The following COL5A2 variants were observed in gnomAD, a reference collection of about 807,000 sequenced individuals.
COL5A2 encodes the protein collagen type V alpha 2 chain, also known as collagen alpha-2(V) chain.
A neutral mutation model predicts 208.2 loss-of-function variants in COL5A2; 23 were observed. The observed-to-expected ratio is 0.11, with a 90% CI of 0.08 to 0.16. COL5A2 has a LOEUF of 0.16. COL5A2 is among the 10% of genes least tolerant of loss of function. The pLI, the probability that COL5A2 is intolerant of heterozygous loss-of-function variation, is 1.00. For synonymous variants in COL5A2, 625 were observed against 628.5 expected (o/e 0.99, Z 0.08); for missense variants, 1,590 against 1,956.4 (o/e 0.81, Z 3.53).
chr2:189,412,719 A>G, the COL5A2 span, among the ~76,000 whole-genome samples: 2 of 152,232 alleles, frequency 1.3e-5, no homozygotes, highest in Non-Finnish European at 2.9e-5. Context: ...TTGCCAATCA[A>G]TTGATAGTAA....
chr2:189,043,052 A>G (rs1255518081), intron 48 of COL5A2, 99 bp downstream of exon 48: 1 of 910,016 alleles, frequency 1.1e-6, no homozygotes, highest in African/African-American at 1.6e-5. Flanking sequence ...AATAAGATAC[A>G]AACATATCCA....
chr2:189,083,606 G>T (rs1180439481), intron 12 of COL5A2, among the ~76,000 whole-genome samples: 1 of 151,654 alleles, frequency 6.6e-6, no homozygotes, highest in East Asian at 1.9e-4. Flanking sequence ...ATATTAAAAA[G>T]ATTTTAAAGA....
At chr2:189,173,032 A>G (rs1688603994) in intron 1 of COL5A2, among the ~76,000 whole-genome samples, 1 of 133,404 alleles carries the variant, frequency 7.5e-6, no homozygotes, top group South Asian at 2.3e-4. Context: ...GTGCAGTGGC[A>G]TGATCTCTGC....
the COL5A2 span, among the ~76,000 whole-genome samples, chr2:189,430,753 G>T: frequency 6.6e-6 from 1 of 152,232 alleles, no homozygotes; most frequent in African/African-American, 2.4e-5. Context: ...ACTTCTGTGG[G>T]CAGGGCATAG....
chr2:189,206,014 TA>T (rs1177021490), intron 1 of COL5A2, among the ~76,000 whole-genome samples: 1 of 152,170 alleles, frequency 6.6e-6, no homozygotes, highest in Non-Finnish European at 1.5e-5. Flanking sequence ...AAGTCTGCGG[TA>T]AACTTTTCGA....
At chr2:189,369,138 AC>A in the COL5A2 span, among the ~76,000 whole-genome samples, 1 of 152,192 alleles carries the variant, frequency 6.6e-6, no homozygotes. Flanking sequence ...AGCATTTGTA[AC>A]TAACTGGAAG....
At chr2:189,089,775 T>C (rs1686743563) in intron 7 of COL5A2, among the ~76,000 whole-genome samples, 3 of 152,178 alleles carry the variant, frequency 2.0e-5, no homozygotes, top group East Asian at 1.9e-4. Flanking sequence ...TTCAGTGATC[T>C]TGATGTTACT....
At position 189,050,665 on chromosome 2, in the gene COL5A2, G is replaced by A. The variant is rs771950850; in HGVS notation, c.2943C>T (p.Gly981=). The A allele has an allele frequency of 6.4e-7, 1 of 1,551,862 alleles. No homozygotes were observed. Among genetic ancestry groups the A allele is most frequent in the Non-Finnish European group, 8.7e-7 (1 of 1,147,050 alleles). ...PGEDGQPGPD[G]PPGPAGTTGQ... ...CGGTCGTTCCAGCTGGACCAGGGGG[G>A]CCATCTGGACCCTAATGTTGAGGAC... Residue 981 remains glycine (G), a synonymous_variant, in exon 43 of 54, where the codon GGC becomes GGT. Coordinates refer to ENST00000374866, the MANE Select transcript of COL5A2 (RefSeq NM_000393.5).
Position 189,043,162 on chromosome 2 carries a change from G to A in COL5A2, c.3460C>T (p.Pro1154Ser), listed in dbSNP as rs1186336643. The A allele has an allele frequency of 1.2e-6, 2 of 1,612,904 alleles. No homozygotes were observed. Among genetic ancestry groups the A allele is most frequent in the Non-Finnish European group, 1.7e-6 (2 of 1,179,126 alleles). The change falls in exon 48 of 54, where the codon CCT (proline) becomes TCT (serine). Residue 1154 changes from proline (P) to serine (S), a missense_variant. Transcript: ENST00000374866. Reference protein sequence around the residue: ...HRGFTGLQGLPGPPGPNGEQG... With the variant: ...HRGFTGLQGLSGPPGPNGEQG... ...AAGGAATAACTTACAGGAGGGCCAG[G>A]AAGACCCTGAAGACCAGTAAAGCCT...
chr2:189,125,750 A>T (rs1360138323), intron 1 of COL5A2, among the ~76,000 whole-genome samples: 1 of 152,096 alleles, frequency 6.6e-6, no homozygotes, highest in Admixed American at 6.6e-5. Context: ...AGTCAACAGT[A>T]GGCTATTAGT....
chr2:189,098,855 T>C, intron 4 of COL5A2, 96 bp from the exon 5 acceptor site: 1 of 844,078 alleles, frequency 1.2e-6, no homozygotes, highest in Non-Finnish European at 2.0e-6. Flanking sequence ...AAAACCACAG[T>C]AATTTTTTTA....
At chr2:189,408,595 A>G in the COL5A2 span, among the ~76,000 whole-genome samples, 3 of 151,894 alleles carry the variant, frequency 2.0e-5, no homozygotes, top group Admixed American at 1.3e-4. Context: ...AATTTAATAA[A>G]TATTAAAATA....
the COL5A2 span, among the ~76,000 whole-genome samples, chr2:189,381,223 C>A: frequency 6.6e-6 from 1 of 151,970 alleles, no homozygotes; most frequent in Non-Finnish European, 1.5e-5. Flanking sequence ...AAACTTTTTA[C>A]CATTTCTCAT....
chr2:189,205,751 G>GGT (rs1342993099), intron 1 of COL5A2, among the ~76,000 whole-genome samples: 1 of 152,016 alleles, frequency 6.6e-6, no homozygotes, highest in Non-Finnish European at 1.5e-5. Context: ...GATTCCTATA[G>GGT]TAATAAGACC....
the COL5A2 span, among the ~76,000 whole-genome samples, chr2:189,247,612 G>C: frequency 6.2e-5 from 9 of 144,366 alleles, no homozygotes; most frequent in African/African-American, 2.3e-4. Flanking sequence ...ACAGAGTCTT[G>C]CTGTGTTGCC....
chr2:189,236,576 C>T, the COL5A2 span, among the ~76,000 whole-genome samples: 6 of 151,846 alleles, frequency 4.0e-5, no homozygotes, highest in East Asian at 1.2e-3. Context: ...AGTGGCATCA[C>T]ATTTTGGTTT....
chr2:189,136,792 C>T (rs929850772), intron 1 of COL5A2, among the ~76,000 whole-genome samples: 1 of 151,950 alleles, frequency 6.6e-6, no homozygotes, highest in South Asian at 2.1e-4. Flanking sequence ...AATCACACTG[C>T]TTTTTTCCAT....
chr2:189,313,722 G>C, the COL5A2 span, among the ~76,000 whole-genome samples: 13 of 152,042 alleles, frequency 8.6e-5, no homozygotes, highest in Middle Eastern at 3.2e-3. Context: ...GACCCACATG[G>C]GCTCAAAATA....
chr2:189,238,597 T>G, the COL5A2 span, among the ~76,000 whole-genome samples: 1 of 152,262 alleles, frequency 6.6e-6, no homozygotes, highest in African/African-American at 2.4e-5. Flanking sequence ...GGAAATAGGT[T>G]TAACTGACTC....
Sources: gnomAD v4.1 joint callset for allele counts (sites outside exome capture counted in the v4.1 genomes callset) on GRCh38, gnomAD v4.1.1 for gene constraint, MANE v1.5 for transcripts, NCBI Gene and HGNC (gene_info 2026-07-23, HGNC 2026-07-21) for gene names.